TFCP2: variants seen among roughly 807,000 people sequenced by gnomAD.
TFCP2 encodes the protein alpha-globin transcription factor CP2.
Under a neutral mutation model 73.4 loss-of-function variants are expected in TFCP2, and 33 were observed. The ratio of observed to expected loss-of-function variants is 0.45; its 90% confidence interval spans 0.34 to 0.60. The LOEUF (loss-of-function observed/expected upper bound fraction) is 0.60. TFCP2 is among the 20% of genes least tolerant of loss of function. The probability of loss-of-function intolerance (pLI) is 0.01; values close to 1 mark genes in which losing one functional copy is unlikely to be tolerated. For missense variants in TFCP2, 352 were observed against 604.0 expected (o/e 0.58, Z 4.37); for synonymous variants, 193 against 211.6 (o/e 0.91, Z 0.76).
chr12:51,172,459 T>C lies in TFCP2; in HGVS notation c.-37A>G, dbSNP rs756431188. 1.2e-6 allele frequency: 2 copies of C among 1,611,842 alleles called. No homozygotes were observed. The highest frequency in any genetic ancestry group is 2.7e-5 in the African/African-American group (2 of 74,790). ...CCTTGCCCCAGGAGACACCGTGTCT[T>C]GTACAAAGGCGCGGAGGGTAATTCT... On this transcript the variant is annotated 5_prime_UTR_variant, in exon 1 of 15. Transcript: ENST00000257915.
At chr12:51,096,408 A>C (rs1054302300) in intron 13 of TFCP2, among the ~76,000 whole-genome samples, 2 of 151,916 alleles carry the variant, frequency 1.3e-5, no homozygotes, top group Admixed American at 6.6e-5. Flanking sequence ...TTCCTTCCCC[A>C]CTTTCCCTTC....
intron 1 of TFCP2, among the ~76,000 whole-genome samples, chr12:51,121,433 T>C (rs967586747): frequency 8.2e-5 from 12 of 146,208 alleles, no homozygotes; most frequent in African/African-American, 3.0e-4. Context: ...GAAAAAAAAA[T>C]ATTCCCCCAA....
Position 51,099,770 on chromosome 12 carries a change from A to T in TFCP2, c.1161T>A (p.Arg387=), listed in dbSNP as rs753711543. 6.2e-7 allele frequency: 1 copy of T among 1,614,032 alleles called. No individual in the cohort carries two copies. Among genetic ancestry groups the T allele is most frequent in the East Asian group, 2.2e-5 (1 of 44,888 alleles). ...LFNALKGRMV[R]PRLTIYVCQE... The stretch of plus-strand genomic sequence containing the variant: ...GACAAACATAAATGGTTAACCTTGG[A>T]CGCACCATCCTAAGGGGAGGAAAAA... Residue 387 remains arginine, a synonymous_variant, in exon 12 of 15, where the codon CGT becomes CGA. Transcript: ENST00000257915.
intron 1 of TFCP2, among the ~76,000 whole-genome samples, chr12:51,147,532 G>A (rs185630419): frequency 6.6e-6 from 1 of 151,896 alleles, no homozygotes; most frequent in Non-Finnish European, 1.5e-5. Flanking sequence ...GAAGAGGTGG[G>A]GGGGGAAAGA....
intron 4 of TFCP2, among the ~76,000 whole-genome samples, chr12:51,116,081 C>CAACA (rs1461669807): frequency 6.6e-6 from 1 of 152,170 alleles, no homozygotes; most frequent in Admixed American, 6.5e-5. Flanking sequence ...ACTTAAAAAA[C>CAACA]AACAAAATCA....
intron 1 of TFCP2, among the ~76,000 whole-genome samples, chr12:51,171,827 G>C (rs1941868821): frequency 6.6e-6 from 1 of 152,234 alleles, no homozygotes; most frequent in African/African-American, 2.4e-5. Flanking sequence ...AAGCAAGCTA[G>C]TGGTAAGATA....
intron 5 of TFCP2, among the ~76,000 whole-genome samples, chr12:51,109,664 T>C (rs1347329629): frequency 6.6e-6 from 1 of 151,630 alleles, no homozygotes; most frequent in Admixed American, 6.6e-5. Context: ...TTCACAGCAA[T>C]AGTGGAGAAA....
At chr12:51,123,358 T>C (rs754819279) in intron 1 of TFCP2, among the ~76,000 whole-genome samples, 3 of 152,298 alleles carry the variant, frequency 2.0e-5, no homozygotes, top group African/African-American at 2.4e-5. Context: ...TTCCTAGAGA[T>C]AGAGGTTAAA....
At chr12:51,125,480 A>C (rs1940790800) in intron 1 of TFCP2, 1 of 367,190 alleles carries the variant, frequency 2.7e-6, no homozygotes, top group Non-Finnish European at 5.3e-6. Flanking sequence ...TTATTTTTCT[A>C]TTGTTCTGTC....
chr12:51,162,955 C>T (rs1317125760), intron 1 of TFCP2: 1 of 152,164 alleles, frequency 6.6e-6, no homozygotes, highest in Non-Finnish European at 1.5e-5. Context: ...AGAAGATTAG[C>T]ATGGCCTCTG....
chr12:51,111,931 C>T (rs752677072), intron 4 of TFCP2, among the ~76,000 whole-genome samples: 2 of 151,828 alleles, frequency 1.3e-5, no homozygotes, highest in Admixed American at 1.3e-4. Flanking sequence ...CCAAGGTGAG[C>T]GGATCACCTG....
At chr12:51,098,231 G>A (rs1940013688) in intron 13 of TFCP2, among the ~76,000 whole-genome samples, 1 of 152,042 alleles carries the variant, frequency 6.6e-6, no homozygotes, top group South Asian at 2.1e-4. Flanking sequence ...ACTTAAAAAT[G>A]TCATTATATA....
chr12:51,124,996 T>C (rs1231578289), intron 1 of TFCP2: 2 of 734,520 alleles, frequency 2.7e-6, no homozygotes, highest in Non-Finnish European at 5.0e-6. Flanking sequence ...CTCTGAGTGA[T>C]AACTTCTCCA....
chr12:51,169,523 G>A (rs1941818786), intron 1 of TFCP2, among the ~76,000 whole-genome samples: 1 of 151,024 alleles, frequency 6.6e-6, no homozygotes, highest in African/African-American at 2.4e-5. Flanking sequence ...AAAAAGTCAA[G>A]AGAATAGTGA....
intron 1 of TFCP2, among the ~76,000 whole-genome samples, chr12:51,121,559 G>A (rs189319095): frequency 1.3e-5 from 2 of 148,894 alleles, no homozygotes; most frequent in Non-Finnish European, 3.0e-5. Context: ...TCCACCTCCC[G>A]GGTTCAAGTG....
chr12:51,146,532 T>C (rs993115495), intron 1 of TFCP2, among the ~76,000 whole-genome samples: 3 of 151,958 alleles, frequency 2.0e-5, no homozygotes, highest in African/African-American at 7.3e-5. Flanking sequence ...ATTACAACAG[T>C]GAACAATTAA....
intron 10 of TFCP2, 21 bp downstream of exon 10, chr12:51,103,649 A>G: frequency 6.2e-7 from 1 of 1,604,456 alleles, no homozygotes; most frequent in Non-Finnish European, 8.5e-7. Context: ...TAGGGAAAAC[A>G]AAAGAAAAAG....
intron 1 of TFCP2, among the ~76,000 whole-genome samples, chr12:51,153,411 GT>G (rs1941471598): frequency 7.7e-6 from 1 of 129,282 alleles, no homozygotes; most frequent in African/African-American, 2.9e-5. Flanking sequence ...TTTTTTTTTT[GT>G]TTTTTGTTGT....
chr12:51,135,957 T>C (rs2137009095), intron 1 of TFCP2, among the ~76,000 whole-genome samples: 1 of 152,256 alleles, frequency 6.6e-6, no homozygotes, highest in South Asian at 2.1e-4. Flanking sequence ...CTTTGAGCAC[T>C]TGCTATGTTC....
Sources: allele counts gnomAD v4.1 joint callset (sites outside exome capture counted in the v4.1 genomes callset), GRCh38; gene constraint gnomAD v4.1.1; transcripts MANE v1.5; gene names NCBI Gene and HGNC (gene_info 2026-07-23, HGNC 2026-07-21).